The following LUZP2 variants were observed in gnomAD, a reference collection of about 807,000 sequenced individuals.
The protein encoded by LUZP2 is leucine zipper protein 2.
A neutral mutation model predicts 51.6 loss-of-function variants in LUZP2; 52 were observed. The ratio of observed to expected loss-of-function variants is 1.01; its 90% CI spans 0.81 to 1.27. LUZP2 has a LOEUF of 1.27. Among genes scored for constraint, LUZP2 ranks in the 50% most tolerant of loss-of-function variants. The pLI is 0.00. For missense variants in LUZP2, 436 were observed against 395.4 expected (o/e 1.10, Z -0.87); for synonymous variants, 154 against 137.3 (o/e 1.12, Z -0.85).
intron 1 of LUZP2, among the ~76,000 whole-genome samples, chr11:24,561,248 CAAT>C (rs1324026384): frequency 6.6e-6 from 1 of 151,958 alleles, no homozygotes; most frequent in Non-Finnish European, 1.5e-5. Flanking sequence ...TGTTAATTGA[CAAT>C]AATAATTGCA....
At chr11:24,738,184 T>C (rs1859012717) in intron 3 of LUZP2, 37 bp from the exon 4 acceptor site, 1 of 1,358,816 alleles carries the variant, frequency 7.4e-7, no homozygotes, top group Non-Finnish European at 1.0e-6. Flanking sequence ...GGAATTATAT[T>C]ATTTTCTCAC....
At chr11:24,925,168 C>G (rs1457121285) in intron 7 of LUZP2, among the ~76,000 whole-genome samples, 2 of 151,998 alleles carry the variant, frequency 1.3e-5, no homozygotes, top group Non-Finnish European at 2.9e-5. Context: ...GTTGGTATCT[C>G]TTATTGCTAC....
At chr11:24,971,956 A>T (rs549262107) in intron 7 of LUZP2, among the ~76,000 whole-genome samples, 7 of 151,970 alleles carry the variant, frequency 4.6e-5, no homozygotes, top group African/African-American at 1.2e-4. Context: ...CATGGCCACC[A>T]TGGCAAGATC....
chr11:24,867,971 A>G (rs1192287938), intron 5 of LUZP2, among the ~76,000 whole-genome samples: 1 of 152,158 alleles, frequency 6.6e-6, no homozygotes, highest in Non-Finnish European at 1.5e-5. Context: ...ATTTTGAGAA[A>G]TACATATATA....
At chr11:24,939,367 A>G in intron 7 of LUZP2, among the ~76,000 whole-genome samples, 1 of 152,098 alleles carries the variant, frequency 6.6e-6, no homozygotes, top group East Asian at 1.9e-4. Context: ...CAATTTTAAT[A>G]CAACATGGTA....
At chr11:24,911,699 A>C (rs1243820224) in intron 6 of LUZP2, among the ~76,000 whole-genome samples, 1 of 152,188 alleles carries the variant, frequency 6.6e-6, no homozygotes, top group Admixed American at 6.5e-5. Flanking sequence ...CAGTGTGAGA[A>C]CAGACTAATA....
intron 5 of LUZP2, among the ~76,000 whole-genome samples, chr11:24,834,848 G>T (rs1429310756): frequency 6.6e-6 from 1 of 152,148 alleles, no homozygotes; most frequent in East Asian, 1.9e-4. Context: ...GACCAGTGAC[G>T]ATGAACTTTT....
intron 9 of LUZP2, among the ~76,000 whole-genome samples, chr11:25,034,197 C>T (rs1197912462): frequency 6.6e-6 from 1 of 151,982 alleles, no homozygotes; most frequent in Non-Finnish European, 1.5e-5. Context: ...GCATTTTTTT[C>T]ATATGTTTGT....
intron 5 of LUZP2, among the ~76,000 whole-genome samples, chr11:24,859,967 C>T (rs1333572590): frequency 6.6e-6 from 1 of 152,214 alleles, no homozygotes; most frequent in Non-Finnish European, 1.5e-5. Flanking sequence ...GAAATAGCTG[C>T]AGCCACCTGC....
In LUZP2 at chr11:24,910,925, G is replaced by T. The variant is rs570107988; in HGVS notation, c.460-3551G>T. ...GCTAGCCCATGAAAGCAGCCAGGAGGGGGGCTGTACCTTGCAAATCCACAG... is the reference window on the plus strand; with the variant it reads ...GCTAGCCCATGAAAGCAGCCAGGAGTGGGGCTGTACCTTGCAAATCCACAG... On this transcript the variant is annotated intron_variant, in intron 6 of 11. Coordinates refer to ENST00000336930, the MANE Select transcript of LUZP2 (RefSeq NM_001009909.4). 2.6e-5 allele frequency among the ~76,000 whole-genome samples: 4 copies of T among 152,260 alleles called. No homozygotes were observed. In the East Asian group the frequency reaches 5.8e-4, roughly 22 times the overall value.
chr11:24,921,619 C>T (rs1490779111), intron 7 of LUZP2, among the ~76,000 whole-genome samples: 3 of 152,134 alleles, frequency 2.0e-5, no homozygotes, highest in African/African-American at 4.8e-5. Flanking sequence ...ATTACAGGAA[C>T]ATTTCCACTG....
At chr11:24,562,149 G>A (rs895388157) in intron 1 of LUZP2, among the ~76,000 whole-genome samples, 4 of 152,036 alleles carry the variant, frequency 2.6e-5, no homozygotes, top group Admixed American at 1.3e-4. Flanking sequence ...TAAAAACACA[G>A]AGTAACAGAG....
At chr11:24,717,642 C>T (rs1017090263) in intron 1 of LUZP2, among the ~76,000 whole-genome samples, 2 of 151,756 alleles carry the variant, frequency 1.3e-5, no homozygotes, top group Admixed American at 6.6e-5. Context: ...GTCTCGATCT[C>T]CTGACCTCGT....
intron 1 of LUZP2, among the ~76,000 whole-genome samples, chr11:24,667,910 T>G (rs745912735): frequency 3.3e-5 from 5 of 152,212 alleles, no homozygotes; most frequent in African/African-American, 1.2e-4. Context: ...ATTGAAAGAA[T>G]GAGGGTAATT....
chr11:24,619,420 C>T (rs532264115), intron 1 of LUZP2, among the ~76,000 whole-genome samples: 1 of 152,046 alleles, frequency 6.6e-6, no homozygotes, highest in African/African-American at 2.4e-5. Context: ...GAAAGGAGAC[C>T]AGAATTTTCT....
rs567729414 is a variant in LUZP2 at position 24,718,800 on chromosome 11, G to A, written c.63-10369G>A. ...CTGACTTGATGTATTTGGAGATTTT[G>A]TGCTGTGAAATCAAGTGTTAAGGCT... On this transcript the variant is annotated intron_variant, in intron 1 of 11. Transcript: ENST00000336930. Among the ~76,000 whole-genome samples the A allele has an allele frequency of 3.3e-5, 5 of 152,322 alleles. No individual in the cohort carries two copies. The South Asian group carries it at 1.0e-3, about 32-fold the overall frequency.
At chr11:24,656,794 C>T (rs1346479401) in intron 1 of LUZP2, among the ~76,000 whole-genome samples, 1 of 152,190 alleles carries the variant, frequency 6.6e-6, no homozygotes, top group Non-Finnish European at 1.5e-5. Context: ...CTCCGAGCCC[C>T]TCTGGTCTCC....
chr11:24,941,067 A>T (rs570022284), intron 7 of LUZP2, among the ~76,000 whole-genome samples: 51 of 152,296 alleles, frequency 3.3e-4, no homozygotes, highest in African/African-American at 1.1e-3. Context: ...TGTTGCGTTT[A>T]GATAGAAGAG....
At chr11:24,621,439 T>C (rs911206539) in intron 1 of LUZP2, among the ~76,000 whole-genome samples, 1 of 152,162 alleles carries the variant, frequency 6.6e-6, no homozygotes, top group Admixed American at 6.5e-5. Flanking sequence ...TTTTAATGAC[T>C]CACTGAGCAG....
Sources: allele counts gnomAD v4.1 joint callset (sites outside exome capture counted in the v4.1 genomes callset), GRCh38; gene constraint gnomAD v4.1.1; transcripts MANE v1.5; gene names NCBI Gene and HGNC (gene_info 2026-07-23, HGNC 2026-07-21).